The following ARHGEF4 variants were observed in gnomAD, a reference collection of about 807,000 sequenced individuals.
ARHGEF4 encodes APC-stimulated guanine nucleotide exchange factor 1.
Under a neutral mutation model 162.0 loss-of-function variants are expected in ARHGEF4, and 119 were observed. The observed-to-expected ratio is 0.73, with a 90% CI of 0.63 to 0.86. The LOEUF (loss-of-function observed/expected upper bound fraction) is 0.86. ARHGEF4 is among the 40% of genes least tolerant of loss of function. ARHGEF4 has a pLI of 0.00. For missense variants in ARHGEF4, 2,488 were observed against 2,456.0 expected (o/e 1.01, Z -0.28); for synonymous variants, 1,014 against 979.9 (o/e 1.03, Z -0.65).
chr2:130,989,176 G>A (rs1312652190), intron 4 of ARHGEF4, among the ~76,000 whole-genome samples: 1 of 152,048 alleles, frequency 6.6e-6, no homozygotes, highest in Non-Finnish European at 1.5e-5. Context: ...GGTCAGGCTG[G>A]TCTCGAACTC....
chr2:130,989,808 G>A (rs555923462), intron 4 of ARHGEF4, among the ~76,000 whole-genome samples: 14 of 152,278 alleles, frequency 9.2e-5, no homozygotes, highest in Admixed American at 2.6e-4. Context: ...GTCTGACATC[G>A]GATTAGCACT....
chr2:130,973,087 A>G lies in ARHGEF4; in HGVS notation c.3985+26452A>G, dbSNP rs77144307. Among the ~76,000 whole-genome samples, 650 of 152,388 alleles carry G rather than the reference A, an allele frequency of 4.3e-3. 4 individuals are homozygous for G. Among genetic ancestry groups the G allele is most frequent in the African/African-American group, 0.014 (598 of 41,594 alleles). ...TCTAGAGCAAGCTCTAAACATCTGT[A>G]TATTAATAAACCTCCACAGGTAAGT... On this transcript the variant is annotated intron_variant, in intron 4 of 13. Transcript: ENST00000409359.
chr2:131,046,284 T>G lies in ARHGEF4; in HGVS notation c.*95T>G. Reference sequence around the variant, plus strand: ...CCACTCGGCCTGGCCTTCCTCTGCCTGCAAGTGAGCAGGGATGGGCTGGGG... The same window carrying G: ...CCACTCGGCCTGGCCTTCCTCTGCCGGCAAGTGAGCAGGGATGGGCTGGGG... On this transcript the variant is annotated 3_prime_UTR_variant, in exon 14 of 14. Coordinates refer to ENST00000409359, the MANE Select transcript of ARHGEF4 (RefSeq NM_001367493.1). 1 of 1,311,882 alleles carries G rather than the reference T, an allele frequency of 7.6e-7. No homozygotes were observed. Among genetic ancestry groups the G allele is most frequent in the African/African-American group, 1.5e-5 (1 of 68,756 alleles). The allele number at this position is 1,311,882 out of a possible 1,614,324, so 81.3% of individuals were successfully genotyped here.
chr2:131,040,247 A>ATTTT lies in ARHGEF4; in HGVS notation c.4483-14_4483-13insTTTT, dbSNP rs750552922. On this transcript the variant is annotated splice_polypyrimidine_tract_variant and intron_variant, in intron 7 of 13. Coordinates refer to ENST00000409359, the MANE Select transcript of ARHGEF4 (RefSeq NM_001367493.1). ...GGACCCGGTCGGGGGAGGCCTAACC[A>ATTTT]CGTCCGCCCGCAGGGCTACGTCCGG... 6.2e-7 allele frequency: 1 copy of ATTTT among 1,611,560 alleles called. No individual in the cohort carries two copies. Among genetic ancestry groups the ATTTT allele is most frequent in the Non-Finnish European group, 8.5e-7 (1 of 1,179,072 alleles).
intron 4 of ARHGEF4, among the ~76,000 whole-genome samples, chr2:130,952,020 T>TTA (rs1558761670): frequency 6.6e-6 from 1 of 152,196 alleles, no homozygotes; most frequent in Non-Finnish European, 1.5e-5. Context: ...CAATAATACA[T>TTA]TATATACATT....
At chr2:130,871,415 G>A in intron 1 of ARHGEF4, among the ~76,000 whole-genome samples, 1 of 151,824 alleles carries the variant, frequency 6.6e-6, no homozygotes, top group African/African-American at 2.4e-5. Flanking sequence ...GGGCACCTGT[G>A]ATCCCAGCTA....
At chr2:130,947,992 C>A (rs1046928404) in intron 4 of ARHGEF4, among the ~76,000 whole-genome samples, 1 of 152,254 alleles carries the variant, frequency 6.6e-6, no homozygotes, top group East Asian at 1.9e-4. Flanking sequence ...CTGTCAAATG[C>A]GTGCTTTGTC....
intron 5 of ARHGEF4, among the ~76,000 whole-genome samples, chr2:131,034,217 G>A (rs1035570441): frequency 1.3e-5 from 2 of 152,212 alleles, no homozygotes; most frequent in African/African-American, 4.8e-5. Context: ...AAAGCACTGA[G>A]CTTGTTGCCC....
At chr2:130,965,068 G>T (rs772839387) in intron 4 of ARHGEF4, among the ~76,000 whole-genome samples, 8 of 152,218 alleles carry the variant, frequency 5.3e-5, no homozygotes, top group Non-Finnish European at 1.0e-4. Context: ...AACAGTTGCT[G>T]CCTGGAAATG....
At chr2:130,896,988 A>T (rs1680193141) in intron 1 of ARHGEF4, among the ~76,000 whole-genome samples, 1 of 152,138 alleles carries the variant, frequency 6.6e-6, no homozygotes, top group Admixed American at 6.5e-5. Flanking sequence ...GCCCAGCTGG[A>T]TCACCAGGCT....
rs537845757 is a variant in ARHGEF4 at position 130,930,607 on chromosome 2, G to A, written c.3553-345G>A. ...TTCATAAGGGAATGTTGTTTAAACG[G>A]GAACTTTTACCCCAGTTGCTGGCCT... On this transcript the variant is annotated intron_variant, in intron 2 of 13. Coordinates refer to ENST00000409359, the MANE Select transcript of ARHGEF4 (RefSeq NM_001367493.1). Among the ~76,000 whole-genome samples, 4 of 152,230 alleles carry A rather than the reference G, an allele frequency of 2.6e-5. No individual in the cohort carries two copies. The East Asian group carries it at 7.7e-4, about 29-fold the overall frequency.
intron 4 of ARHGEF4, among the ~76,000 whole-genome samples, chr2:130,978,426 G>C (rs1240881225): frequency 6.6e-6 from 1 of 152,150 alleles, no homozygotes; most frequent in Non-Finnish European, 1.5e-5. Context: ...CATAATAAGT[G>C]TCAGTCCCAT....
At chr2:130,896,395 C>A (rs1243522810) in intron 1 of ARHGEF4, among the ~76,000 whole-genome samples, 1 of 152,210 alleles carries the variant, frequency 6.6e-6, no homozygotes, top group Non-Finnish European at 1.5e-5. Context: ...ATTCTGGCAG[C>A]AATGGCTCAG....
At chr2:130,837,551 G>A in intron 1 of ARHGEF4, 1 of 439,472 alleles carries the variant, frequency 2.3e-6, no homozygotes, top group Admixed American at 2.4e-5. Context: ...CCCCCTCTCT[G>A]GCCCGATTTC....
chr2:130,915,265 C>T lies in ARHGEF4; in HGVS notation c.1319C>T (p.Ser440Leu). The stretch of plus-strand genomic sequence containing the variant: ...GATTCCAGGTCATGTCTGGTGGCTT[C>T]ATGCCTCACCTCAGAGTTAGTGAAG... ...RQDSRSCLVA[S>L]CLTSELVKLS... The change falls in exon 2 of 14, where the codon TCA (serine) becomes TTA (leucine). Residue 440 changes from serine to leucine, a missense_variant. Around this residue, in one of 6 missense-constraint regions of ARHGEF4, gnomAD observed 1,642 missense variants for 1,481.5 expected, o/e 1.11. Coordinates refer to ENST00000409359, the MANE Select transcript of ARHGEF4 (RefSeq NM_001367493.1). 10 of 1,550,606 alleles carry T rather than the reference C, an allele frequency of 6.4e-6. No homozygotes were observed. The highest frequency in any genetic ancestry group is 7.8e-6 in the Non-Finnish European group (9 of 1,147,016).
At position 130,873,125 on chromosome 2, in the gene ARHGEF4, A is replaced by G. The variant is rs546554850; in HGVS notation, c.39+36133A>G. On this transcript the variant is annotated intron_variant, in intron 1 of 13. Coordinates refer to ENST00000409359, the MANE Select transcript of ARHGEF4 (RefSeq NM_001367493.1). ...CTGGAGCCAAAGTGCCCGGATTCAA[A>G]CCCTCCACTCCCTAGCTGGTGTGAC... 5.3e-5 allele frequency among the ~76,000 whole-genome samples: 8 copies of G among 152,168 alleles called. No individual in the cohort carries two copies. In the East Asian group the frequency reaches 1.4e-3, roughly 26 times the overall value.
rs1159743998 is a variant in ARHGEF4, at chr2:131,044,338, C to T, written c.5197C>T (p.Leu1733=). The T allele has an allele frequency of 1.9e-6, 3 of 1,609,306 alleles. No individual in the cohort carries two copies. The highest frequency in any genetic ancestry group is 1.1e-5 in the South Asian group (1 of 89,894). The change falls in exon 12 of 14, where the codon CTG becomes TTG. Residue 1733 remains leucine (L), a synonymous_variant. Transcript: ENST00000409359. ...RRDVLYYKGR[L]DMDGLEVVDL... ...CGACGTGTTGTACTACAAGGGCCGG[C>T]TGGACATGGACGGCCTGGAGGTGGT... is the stretch of plus-strand genomic sequence containing the variant.
chr2:130,905,394 T>G (rs1241623173), intron 1 of ARHGEF4, among the ~76,000 whole-genome samples: 1 of 152,218 alleles, frequency 6.6e-6, no homozygotes, highest in Non-Finnish European at 1.5e-5. Context: ...CAAGTGAAAT[T>G]ACGTAGTCAG....
In ARHGEF4 at chr2:130,875,921, G is replaced by T. The variant is rs111327482; in HGVS notation, c.40-38065G>T. ...ACACCAATCCAGCTTCCCTAGTGTG[G>T]CAGACAAGACCATTTAACTTCAGCC... is the stretch of plus-strand genomic sequence containing the variant. On this transcript the variant is annotated intron_variant, in intron 1 of 13. Coordinates refer to ENST00000409359, the MANE Select transcript of ARHGEF4 (RefSeq NM_001367493.1). Among the ~76,000 whole-genome samples, 1,218 of 152,248 alleles carry T rather than the reference G, an allele frequency of 8.0e-3. 3 individuals carry two copies. Among genetic ancestry groups the T allele is most frequent in the Middle Eastern group, 0.031 (9 of 294 alleles).
Sources: allele counts gnomAD v4.1 joint callset (sites outside exome capture counted in the v4.1 genomes callset), GRCh38; gene constraint gnomAD v4.1.1; regional missense constraint gnomAD v4.1.1; transcripts MANE v1.5; gene names NCBI Gene and HGNC (gene_info 2026-07-23, HGNC 2026-07-21).